The following PTDSS2 variants were observed in gnomAD, a reference collection of about 807,000 sequenced individuals.
The protein encoded by PTDSS2 is PSS-2.
Under a neutral mutation model 64.7 loss-of-function variants are expected in PTDSS2, and 41 were observed. The observed-to-expected ratio is 0.63, with a 90% CI of 0.49 to 0.82. The LOEUF is 0.82. PTDSS2 is among the 40% of genes least tolerant of loss of function. The pLI is 0.00. For synonymous variants in PTDSS2, 297 were observed against 277.8 expected, an observed-to-expected ratio of 1.07 and a Z score of -0.69; for missense variants, 485 against 650.0, an observed-to-expected ratio of 0.75 and a Z score of 2.76.
At chr11:458,595 G>A (rs35996687) in intron 1 of PTDSS2, 13,569 of 145,348 alleles carry the variant, frequency 0.093, 862 homozygotes, top group Admixed American at 0.18. Flanking sequence ...GCGCACTGCA[G>A]CCTCAACCTG....
intron 4 of PTDSS2, among the ~76,000 whole-genome samples, chr11:486,659 G>C (rs550647919): frequency 1.3e-5 from 2 of 152,042 alleles, no homozygotes; most frequent in Non-Finnish European, 2.9e-5. Flanking sequence ...TGGCTAGCAC[G>C]GTGAAACCCC....
chr11:476,800 C>G lies in PTDSS2; in HGVS notation c.368-2285C>G, dbSNP rs1489109043. Among the ~76,000 whole-genome samples, 3 of 152,170 alleles carry G rather than the reference C, an allele frequency of 2.0e-5. No homozygotes were observed. The highest frequency in any genetic ancestry group is 7.2e-5 in the African/African-American group (3 of 41,454). ...GTTCCTGGGGTGTTCAGTTTTTAGT[C>G]TGAGCTCTGCTCTACCTTTCTTCTG... is the stretch of plus-strand genomic sequence containing the variant. On this transcript the variant is annotated intron_variant, in intron 3 of 11. Transcript: ENST00000308020. This position sits in a 1 kb window ranked among gnomAD's most constrained non-coding sequence, Gnocchi z 4.9.
intron 8 of PTDSS2, 124 bp downstream of exon 8, chr11:488,771 G>A (rs12574094): frequency 0.054 from 38,902 of 717,946 alleles, 1,311 homozygotes; most frequent in South Asian, 0.094. Context: ...AGGGGTGACC[G>A]TGGGGCTTTG....
chr11:474,730 G>A (rs964316583), intron 3 of PTDSS2, among the ~76,000 whole-genome samples: 1 of 152,138 alleles, frequency 6.6e-6, no homozygotes, highest in Non-Finnish European at 1.5e-5. Flanking sequence ...AACATTTTCT[G>A]TTTCAACAGG....
intron 4 of PTDSS2, among the ~76,000 whole-genome samples, chr11:484,896 GGC>G (rs1848243325): frequency 6.9e-6 from 1 of 144,706 alleles, no homozygotes; most frequent in Non-Finnish European, 1.5e-5. Flanking sequence ...ACAGTGCACG[GGC>G]GTGTGTGTGC....
Position 488,237 on chromosome 11 carries a change from C to T in PTDSS2, c.660C>T (p.Ile220=), listed in dbSNP as rs1416657105. The T allele has an allele frequency of 6.2e-7, 1 of 1,613,566 alleles. No homozygotes were observed. Among genetic ancestry groups the T allele is most frequent in the South Asian group, 1.1e-5 (1 of 91,086 alleles). ...MIRDWWMCMI[I]SVMFEFLEYS... ...GAGACTGGTGGATGTGCATGATCAT[C>T]AGCGTGATGTTCGAGTTCCTGGAGT... Residue 220 remains isoleucine, a synonymous_variant, in exon 7 of 12, where the codon ATC becomes ATT. Transcript: ENST00000308020.
At chr11:458,442 T>A (rs1184191860) in intron 1 of PTDSS2, among the ~76,000 whole-genome samples, 1 of 151,394 alleles carries the variant, frequency 6.6e-6, no homozygotes, top group East Asian at 1.9e-4. Flanking sequence ...CCTGACCTCG[T>A]GATCCGCCCG....
chr11:484,834 G>A (rs1266571366), intron 4 of PTDSS2, among the ~76,000 whole-genome samples: 12 of 144,950 alleles, frequency 8.3e-5, no homozygotes, highest in African/African-American at 2.8e-4. Context: ...GTGCGCAGGC[G>A]AGTGTAAACA....
intron 2 of PTDSS2, among the ~76,000 whole-genome samples, chr11:473,366 C>T (rs1053183200): frequency 5.9e-5 from 9 of 152,190 alleles, no homozygotes; most frequent in Middle Eastern, 3.2e-3. Context: ...GGGGTCCTGC[C>T]GCGTTGGAGC....
intron 2 of PTDSS2, among the ~76,000 whole-genome samples, chr11:466,686 G>C (rs1434004207): frequency 3.9e-5 from 6 of 152,040 alleles, no homozygotes; most frequent in Non-Finnish European, 8.8e-5. Flanking sequence ...TGAGATTACA[G>C]GTGTGAGCCA....
intron 2 of PTDSS2, among the ~76,000 whole-genome samples, chr11:467,552 T>C (rs1481885776): frequency 6.7e-6 from 1 of 149,224 alleles, no homozygotes; most frequent in Non-Finnish European, 1.5e-5. Flanking sequence ...GGTCAGGAGA[T>C]CAAGACAAGC....
At chr11:452,198 C>G (rs192896805) in intron 1 of PTDSS2, among the ~76,000 whole-genome samples, 1 of 152,352 alleles carries the variant, frequency 6.6e-6, no homozygotes, top group Non-Finnish European at 1.5e-5. Context: ...ACCAGACTGG[C>G]TCTTCTTGTT....
rs1487268778 is a variant in PTDSS2 at position 450,452 on chromosome 11, C to T, written c.-4C>T. 1 of 1,226,924 alleles carries T rather than the reference C, an allele frequency of 8.2e-7. No homozygotes were observed. The highest frequency in any genetic ancestry group is 1.0e-6 in the Non-Finnish European group (1 of 982,590). 76.0% of individuals were successfully genotyped at this position (1,226,924 alleles called of 1,614,324 possible). On this transcript the variant is annotated 5_prime_UTR_variant, in exon 1 of 12. The change creates a new upstream start codon in the 5' untranslated region. Transcript: ENST00000308020. ...CGGGCGGAGTGGCTCCGGGCCGAAACGCCATGCGGAGGGGCGAGCGCAGGG... is the reference window on the plus strand; with the variant it reads ...CGGGCGGAGTGGCTCCGGGCCGAAATGCCATGCGGAGGGGCGAGCGCAGGG...
chr11:471,993 G>A, intron 2 of PTDSS2, among the ~76,000 whole-genome samples: 1 of 147,646 alleles, frequency 6.8e-6, no homozygotes, highest in African/African-American at 2.5e-5. Flanking sequence ...TGACGCGGAT[G>A]GCGGCCTGGG....
intron 2 of PTDSS2, among the ~76,000 whole-genome samples, chr11:473,530 C>A (rs900559146): frequency 2.6e-5 from 4 of 152,204 alleles, no homozygotes; most frequent in Non-Finnish European, 5.9e-5. Context: ...GGACCTTCTC[C>A]TGGCCACTGG....
In PTDSS2 at chr11:460,995, G is replaced by T. The variant is rs1210349579; in HGVS notation, c.284+707G>T. 2 of 152,376 alleles carry T rather than the reference G, an allele frequency of 1.3e-5. No individual in the cohort carries two copies. Among genetic ancestry groups the T allele is most frequent in the African/African-American group, 4.8e-5 (2 of 41,466 alleles). 9.4% of individuals were successfully genotyped at this position (152,376 alleles called of 1,614,324 possible). A position where few individuals can be genotyped will look rare whatever the true frequency, so the allele number is the denominator to read the frequency against. On this transcript the variant is annotated intron_variant, in intron 2 of 11. Transcript: ENST00000308020. The surrounding 1 kb of genome is among the most constrained non-coding windows in gnomAD (Gnocchi z 5.8). ...CAGCAAGGCTGCTGACACCATCAGGGCCTGGCCCCACTTGCTCCGGCGGGA... is the reference window on the plus strand; with the variant it reads ...CAGCAAGGCTGCTGACACCATCAGGTCCTGGCCCCACTTGCTCCGGCGGGA...
intron 2 of PTDSS2, among the ~76,000 whole-genome samples, chr11:472,098 G>A (rs1473786847): frequency 6.6e-6 from 1 of 150,840 alleles, no homozygotes; most frequent in Non-Finnish European, 1.5e-5. Context: ...ACAGATGGTA[G>A]CCTGGGGTGA....
Position 489,952 on chromosome 11 carries a change from C to G in PTDSS2, c.1185C>G (p.Ile395Met). 1 of 1,611,052 alleles carries G rather than the reference C, an allele frequency of 6.2e-7. No individual in the cohort carries two copies. The highest frequency in any genetic ancestry group is 1.1e-5 in the South Asian group (1 of 90,812). ...CCATCACGGCCACGGAGCTGCTCAT[C>G]GTGGTGAAGTACGACCCCCACACGC... ...VAAITATELL[I>M]VVKYDPHTLT... Residue 395 changes from isoleucine (I) to methionine (M), a missense_variant, in exon 11 of 12, where the codon ATC becomes ATG. This residue lies in a region of PTDSS2 where 219 missense variants were observed against 257.3 expected (regional missense o/e 0.85). Transcript: ENST00000308020.
chr11:473,178 G>A lies in PTDSS2; in HGVS notation c.285-717G>A, dbSNP rs575779585. Among the ~76,000 whole-genome samples the A allele has an allele frequency of 9.2e-5, 14 of 152,322 alleles. No homozygotes were observed. In the South Asian group the frequency reaches 2.5e-3, roughly 27 times the overall value. On this transcript the variant is annotated intron_variant, in intron 2 of 11. Transcript: ENST00000308020. Reference sequence around the variant, plus strand: ...GAGGCCGGCCCCAAGGAGCTTTGCCGAGGAGGGAGCACCTTGCCCCTGCCC... The same window carrying A: ...GAGGCCGGCCCCAAGGAGCTTTGCCAAGGAGGGAGCACCTTGCCCCTGCCC...
Sources: gnomAD v4.1 joint callset for allele counts (sites outside exome capture counted in the v4.1 genomes callset) on GRCh38, gnomAD v4.1.1 for gene constraint, gnomAD v4.1.1 regional missense constraint, Gnocchi (gnomAD v3.1) non-coding constraint, MANE v1.5 for transcripts, NCBI Gene and HGNC (gene_info 2026-07-23, HGNC 2026-07-21) for gene names.